Variants in AFF4 observed in about 807,000 individuals in gnomAD.
The protein encoded by AFF4 is AF4/FMR2 family member 4.
A neutral mutation model predicts 124.8 loss-of-function variants in AFF4; 13 were observed. The ratio of observed to expected loss-of-function variants is 0.10; its 90% CI spans 0.07 to 0.17. The LOEUF (loss-of-function observed/expected upper bound fraction) is 0.17. Among genes scored for constraint, AFF4 ranks in the 10% least tolerant of loss-of-function variants. The pLI, the probability that AFF4 is intolerant of heterozygous loss-of-function variation, is 1.00. For synonymous variants in AFF4, 477 were observed against 496.1 expected (o/e 0.96, Z 0.51); for missense variants, 1,092 against 1,403.8 (o/e 0.78, Z 3.55).
At chr5:132,939,203 C>T (rs924599505) in intron 1 of AFF4, among the ~76,000 whole-genome samples, 10 of 127,930 alleles carry the variant, frequency 7.8e-5, no homozygotes, top group South Asian at 5.0e-4. Flanking sequence ...GGAGACAGAA[C>T]GAGACCCTTT....
At chr5:132,921,173 T>C (rs1232521971) in intron 5 of AFF4, among the ~76,000 whole-genome samples, 1 of 142,292 alleles carries the variant, frequency 7.0e-6, no homozygotes, top group South Asian at 2.2e-4. Context: ...ATGGGCAAAA[T>C]ATTCAGACAC....
rs1426896894 is a variant in AFF4, at chr5:132,961,922, AAATAACTT to A, written c.-5+1329_-5+1336del. The stretch of plus-strand genomic sequence containing the variant: ...TAAGTTAACTCTGAAAGATAACTTA[AAATAACTT>A]ACTGGGAATTTTTCTTATATTTAGG... On this transcript the variant is annotated intron_variant, in intron 1 of 20. Coordinates refer to ENST00000265343, the MANE Select transcript of AFF4 (RefSeq NM_014423.4). Among the ~76,000 whole-genome samples, 292 of 152,346 alleles carry A rather than the reference AAATAACTT, an allele frequency of 1.9e-3. 3 individuals are homozygous for A. The highest frequency in any genetic ancestry group is 6.8e-4 in the Non-Finnish European group (46 of 68,030).
rs749244936 is a variant in AFF4, at chr5:132,934,788, T to G, written c.277A>C (p.Asn93His). 8.1e-6 allele frequency: 13 copies of G among 1,614,082 alleles called. No individual in the cohort carries two copies. The highest frequency in any genetic ancestry group is 1.1e-5 in the Non-Finnish European group (13 of 1,180,016). ...PPSADEKSNP[N>H]FFEQRHGGSH... is the part of the protein sequence containing the mutation. Reference sequence around the variant, plus strand: ...CCTCCATGTCTCTGTTCAAAGAAATTTGGGTTAGATTTTTCATCTGCTGAT... The same window carrying G: ...CCTCCATGTCTCTGTTCAAAGAAATGTGGGTTAGATTTTTCATCTGCTGAT... Residue 93 changes from asparagine to histidine, a missense_variant, in exon 3 of 21, where the codon AAT (asparagine) becomes CAT (histidine). Asn to His is a moderately conservative substitution (Grantham distance 68). Around this residue, in one of 11 missense-constraint regions of AFF4, gnomAD observed 188 missense variants for 203.0 expected, o/e 0.93. Transcript: ENST00000265343.
chr5:132,904,324 A>G, intron 6 of AFF4, 44 bp downstream of exon 6: 1 of 1,561,582 alleles, frequency 6.4e-7, no homozygotes, highest in Non-Finnish European at 8.8e-7. Flanking sequence ...TGAATGTTCA[A>G]TAAATAGCTT....
At chr5:132,958,465 CA>C (rs34337170) in intron 1 of AFF4, among the ~76,000 whole-genome samples, 558 of 55,658 alleles carry the variant, frequency 0.01, 1 homozygote, top group Middle Eastern at 0.033. Flanking sequence ...GACCCTGTCT[CA>C]AAAAAAAAAA....
At chr5:132,935,073 G>T in intron 2 of AFF4, 132 bp from the exon 3 acceptor site, 1 of 618,142 alleles carries the variant, frequency 1.6e-6, no homozygotes, top group Non-Finnish European at 2.6e-6. Flanking sequence ...ATATCTTAAC[G>T]TTAATACCTT....
intron 1 of AFF4, among the ~76,000 whole-genome samples, chr5:132,962,001 T>A (rs1762090906): frequency 6.6e-6 from 1 of 152,214 alleles, no homozygotes; most frequent in Non-Finnish European, 1.5e-5. Flanking sequence ...CTGAGAAATT[T>A]AAAGAAGCCA....
In AFF4 at chr5:132,904,313, C is replaced by T. The variant is rs1340214956; in HGVS notation, c.1087+55G>A. ...GTTATATATGGTGTGACCATGAAAA[C>T]TGAATGTTCAATAAATAGCTTAATT... On this transcript the variant is annotated intron_variant, in intron 6 of 20. Transcript: ENST00000265343. The T allele has an allele frequency of 1.0e-5, 15 of 1,467,552 alleles. 1 individual carries two copies. The East Asian group carries it at 2.7e-4, about 27-fold the overall frequency. The allele number at this position is 1,467,552 out of a possible 1,614,324, so 90.9% of individuals were successfully genotyped here.
chr5:132,959,229 G>A (rs889551688), intron 1 of AFF4, among the ~76,000 whole-genome samples: 5 of 151,262 alleles, frequency 3.3e-5, no homozygotes, highest in South Asian at 2.1e-4. Flanking sequence ...AGGTTCAAGC[G>A]ATTCTCCTGC....
At position 132,887,938 on chromosome 5, in the gene AFF4, T is replaced by C. The variant is rs1197154938; in HGVS notation, c.2841A>G (p.Val947=). The stretch of plus-strand genomic sequence containing the variant: ...ATGCATTCCCACATTCAATGAAAGA[T>C]ACCACAGCATCAAGATAGTATACAG... ...EKAVYYLDAV[V]SFIECGNALE... is the part of the protein sequence containing the mutation. Residue 947 remains valine (V), a synonymous_variant, in exon 16 of 21, where the codon GTA becomes GTG. Coordinates refer to ENST00000265343, the MANE Select transcript of AFF4 (RefSeq NM_014423.4). 2 of 1,613,790 alleles carry C rather than the reference T, an allele frequency of 1.2e-6. No homozygotes were observed. The highest frequency in any genetic ancestry group is 1.7e-6 in the Non-Finnish European group (2 of 1,179,950).
At position 132,946,665 on chromosome 5, in the gene AFF4, G is replaced by A. The variant is rs1024926988; in HGVS notation, c.-4-9472C>T. Among the ~76,000 whole-genome samples the A allele has an allele frequency of 2.0e-5, 3 of 152,156 alleles. No homozygotes were observed. In the South Asian group the frequency reaches 6.2e-4, roughly 31 times the overall value. On this transcript the variant is annotated intron_variant, in intron 1 of 20. Coordinates refer to ENST00000265343, the MANE Select transcript of AFF4 (RefSeq NM_014423.4). ...AGACCGAAAATAGAATAGAGGTGGG[G>A]AGGTTCTGTTTGGGATGATGAAAAA...
chr5:132,880,808 A>G lies in AFF4; in HGVS notation c.*251T>C, dbSNP rs1030289756. On this transcript the variant is annotated 3_prime_UTR_variant, in exon 21 of 21. Coordinates refer to ENST00000265343, the MANE Select transcript of AFF4 (RefSeq NM_014423.4). ...TTGCAACTGGAATTTCAATCTTATC[A>G]TAGCTCACGGAAACCATCTTATCAA... 2 of 343,882 alleles carry G rather than the reference A, an allele frequency of 5.8e-6. No homozygotes were observed. The highest frequency in any genetic ancestry group is 4.5e-5 in the East Asian group (1 of 22,406). The allele number at this position is 343,882 out of a possible 1,614,324, so 21.3% of individuals were successfully genotyped here.
chr5:132,922,001 T>C (rs1231560120), intron 5 of AFF4, among the ~76,000 whole-genome samples: 1 of 152,008 alleles, frequency 6.6e-6, no homozygotes, highest in Non-Finnish European at 1.5e-5. Context: ...CCTACACTGG[T>C]CTCAAACTCC....
chr5:132,888,248 T>C (rs1760166319), intron 14 of AFF4, 88 bp from the exon 15 acceptor site: 4 of 964,932 alleles, frequency 4.1e-6, no homozygotes, highest in Non-Finnish European at 6.1e-6. Flanking sequence ...TCAGTTTTTA[T>C]GTCCTCAAGC....
chr5:132,907,768 CAT>C (rs34947113), intron 5 of AFF4, among the ~76,000 whole-genome samples: 23,343 of 151,770 alleles, frequency 0.15, 2,388 homozygotes, highest in East Asian at 0.45. Context: ...AGAGAGAAAA[CAT>C]GTGTAAAGTC....
intron 1 of AFF4, among the ~76,000 whole-genome samples, chr5:132,942,077 T>G (rs1435410554): frequency 6.6e-6 from 1 of 151,780 alleles, no homozygotes; most frequent in Admixed American, 6.6e-5. Context: ...GTCTCCTACC[T>G]GGAGATACTG....
At chr5:132,938,936 C>CT (rs1761498657) in intron 1 of AFF4, among the ~76,000 whole-genome samples, 1 of 62,234 alleles carries the variant, frequency 1.6e-5, no homozygotes, top group Admixed American at 2.9e-4. Flanking sequence ...GAGAGAGACT[C>CT]ATCTCAAAAA....
chr5:132,895,816 T>C (rs1383413382), intron 11 of AFF4, among the ~76,000 whole-genome samples: 1 of 152,212 alleles, frequency 6.6e-6, no homozygotes, highest in Non-Finnish European at 1.5e-5. Flanking sequence ...TGGAAGTATT[T>C]AGGGATGACA....
intron 12 of AFF4, 53 bp from the exon 13 acceptor site, chr5:132,892,457 T>C: frequency 5.2e-6 from 8 of 1,542,082 alleles, no homozygotes; most frequent in South Asian, 2.5e-5. Flanking sequence ...ACAGGGGTAA[T>C]TGATTTTTCC....
Sources: allele counts gnomAD v4.1 joint callset (sites outside exome capture counted in the v4.1 genomes callset), GRCh38; gene constraint gnomAD v4.1.1; regional missense constraint gnomAD v4.1.1; transcripts MANE v1.5; gene names NCBI Gene and HGNC (gene_info 2026-07-23, HGNC 2026-07-21).